Variants in RAP1A observed in about 807,000 individuals in gnomAD.
RAP1A encodes ras-related protein Rap-1A.
A neutral mutation model predicts 26.4 loss-of-function variants in RAP1A; 6 were observed. The ratio of observed to expected loss-of-function variants is 0.23; its 90% confidence interval spans 0.12 to 0.45. RAP1A has a LOEUF of 0.45. Among genes scored for constraint, RAP1A ranks in the 20% least tolerant of loss-of-function variants. The probability of loss-of-function intolerance (pLI) is 0.99; values close to 1 mark genes in which losing one functional copy is unlikely to be tolerated. For missense variants in RAP1A, 121 were observed against 217.2 expected, an observed-to-expected ratio of 0.56 and a Z score of 2.78; for synonymous variants, 73 against 79.4, an observed-to-expected ratio of 0.92 and a Z score of 0.43.
chr1:111,663,017 G>C (rs1371122624), intron 1 of RAP1A, among the ~76,000 whole-genome samples: 1 of 152,164 alleles, frequency 6.6e-6, no homozygotes, highest in Non-Finnish European at 1.5e-5. Context: ...TGATTCTAGT[G>C]ATTCTCCTGC....
intron 1 of RAP1A, among the ~76,000 whole-genome samples, chr1:111,549,102 ACATCCATATT>A (rs1657147731): frequency 6.6e-6 from 1 of 152,200 alleles, no homozygotes; most frequent in Non-Finnish European, 1.5e-5. Flanking sequence ...GAAGATTTGT[ACATCCATATT>A]CACAATGGAT....
chr1:111,621,475 G>GT (rs1456703078), intron 1 of RAP1A, among the ~76,000 whole-genome samples: 10 of 152,236 alleles, frequency 6.6e-5, no homozygotes, highest in African/African-American at 2.4e-4. Flanking sequence ...TTTTCTTGGT[G>GT]TTTTAAATTA....
At chr1:111,648,336 C>T in intron 1 of RAP1A, 2 of 774,408 alleles carry the variant, frequency 2.6e-6, no homozygotes, top group Non-Finnish European at 4.3e-6. Context: ...ACTTTGCCAT[C>T]CACTATCTGG....
At chr1:111,699,866 AT>A (rs375954995) in intron 4 of RAP1A, among the ~76,000 whole-genome samples, 6 of 152,208 alleles carry the variant, frequency 3.9e-5, no homozygotes, top group African/African-American at 1.4e-4. Flanking sequence ...CCCCCTCTGC[AT>A]ATAGCTTCAG....
chr1:111,611,046 T>G (rs942492014), intron 1 of RAP1A, among the ~76,000 whole-genome samples: 6 of 152,222 alleles, frequency 3.9e-5, no homozygotes, highest in African/African-American at 1.4e-4. Flanking sequence ...TTACAAGAAC[T>G]GGAACTGTCT....
At chr1:111,690,623 T>C (rs1209494341) in intron 1 of RAP1A, among the ~76,000 whole-genome samples, 1 of 152,274 alleles carries the variant, frequency 6.6e-6, no homozygotes, top group African/African-American at 2.4e-5. Context: ...TTCACTGTTC[T>C]GGCTGTTATT....
intron 1 of RAP1A, among the ~76,000 whole-genome samples, chr1:111,594,615 G>A (rs970480381): frequency 6.7e-6 from 1 of 149,840 alleles, no homozygotes. Flanking sequence ...CAAGGAGAGC[G>A]AGAAAAGAAA....
At chr1:111,583,876 CTTTTTTTTTTTTTT>C (rs71099920) in intron 1 of RAP1A, among the ~76,000 whole-genome samples, 1 of 90,114 alleles carries the variant, frequency 1.1e-5, no homozygotes, top group African/African-American at 3.8e-5. Context: ...ATTGTTATTT[CTTTTTTTTTTTTTT>C]TTTTTTTTGA....
intron 1 of RAP1A, among the ~76,000 whole-genome samples, chr1:111,597,374 T>A (rs895180934): frequency 1.3e-5 from 2 of 152,200 alleles, no homozygotes; most frequent in Admixed American, 1.3e-4. Flanking sequence ...AAGTGTGCAT[T>A]AAGCCCAGTC....
intron 1 of RAP1A, among the ~76,000 whole-genome samples, chr1:111,612,013 GTT>G (rs36008061): frequency 1.3e-3 from 181 of 144,126 alleles, no homozygotes; most frequent in African/African-American, 2.9e-3. Context: ...ACGTGCTTGA[GTT>G]TTTTTTTTTT....
chr1:111,709,560 A>G (rs1662312015), intron 7 of RAP1A, among the ~76,000 whole-genome samples: 1 of 152,190 alleles, frequency 6.6e-6, no homozygotes. Context: ...GCCTTCCTAG[A>G]TGACTCCCAA....
rs529822972 is a variant in RAP1A, at chr1:111,613,286, G to A, written c.-28+70777G>A. On this transcript the variant is annotated intron_variant, in intron 1 of 7. Coordinates refer to the RAP1A transcript ENST00000356415. ...ACTATCTCGGCCCACTGCAAGCTCCGCCTCCCAGGTTCACGCCATTCTCCT... is the reference window on the plus strand; with the variant it reads ...ACTATCTCGGCCCACTGCAAGCTCCACCTCCCAGGTTCACGCCATTCTCCT... 9.9e-5 allele frequency among the ~76,000 whole-genome samples: 15 copies of A among 151,652 alleles called. No homozygotes were observed. In the East Asian group the frequency reaches 2.5e-3, roughly 25 times the overall value.
At chr1:111,549,686 T>C (rs1307706600) in intron 1 of RAP1A, among the ~76,000 whole-genome samples, 1 of 150,978 alleles carries the variant, frequency 6.6e-6, no homozygotes, top group Non-Finnish European at 1.5e-5. Flanking sequence ...TCTCTCTCTG[T>C]CACCCAGGCT....
chr1:111,579,315 C>T (rs896095091), intron 1 of RAP1A, among the ~76,000 whole-genome samples: 1 of 152,078 alleles, frequency 6.6e-6, no homozygotes, highest in Admixed American at 6.5e-5. Flanking sequence ...TAAAGGAGCT[C>T]ATTATGAATA....
At chr1:111,542,912 G>C (rs947075221) in intron 1 of RAP1A, among the ~76,000 whole-genome samples, 2 of 152,072 alleles carry the variant, frequency 1.3e-5, no homozygotes, top group African/African-American at 4.8e-5. Flanking sequence ...GGGCAGGCTG[G>C]TCTCCAACTC....
chr1:111,605,425 A>G (rs1231665601), intron 1 of RAP1A, among the ~76,000 whole-genome samples: 1 of 152,200 alleles, frequency 6.6e-6, no homozygotes, highest in African/African-American at 2.4e-5. Flanking sequence ...TTTTCCAATC[A>G]TTTTGGTCTT....
At chr1:111,556,258 ACACT>A (rs1269087369) in intron 1 of RAP1A, among the ~76,000 whole-genome samples, 1 of 152,218 alleles carries the variant, frequency 6.6e-6, no homozygotes, top group Admixed American at 6.5e-5. Context: ...TACCAAAAAA[ACACT>A]CACACAGATA....
At chr1:111,616,256 G>A (rs1424172895), upstream of RAP1A, among the ~76,000 whole-genome samples, 1 of 152,188 alleles carries the variant, frequency 6.6e-6, no homozygotes, top group Non-Finnish European at 1.5e-5. Flanking sequence ...AGCCCTGGGA[G>A]GATTTAATTG....
intron 1 of RAP1A, among the ~76,000 whole-genome samples, chr1:111,587,852 C>A (rs1215689967): frequency 6.6e-6 from 1 of 152,188 alleles, no homozygotes; most frequent in African/African-American, 2.4e-5. Flanking sequence ...ATATTCCCTC[C>A]TCAACATCTG....
Sources: gnomAD v4.1 joint callset for allele counts (sites outside exome capture counted in the v4.1 genomes callset) on GRCh38, gnomAD v4.1.1 for gene constraint, MANE v1.5 for transcripts, NCBI Gene and HGNC (gene_info 2026-07-23, HGNC 2026-07-21) for gene names.